NRG3: variants seen among roughly 807,000 people sequenced by gnomAD.
NRG3 encodes neuregulin 3.
NRG3 carries 31 observed loss-of-function variants against 66.9 expected under a neutral mutation model. That is an observed-to-expected ratio of 0.46 (90% CI 0.35 to 0.63). NRG3 has a LOEUF of 0.63. NRG3 is among the 20% of genes least tolerant of loss of function. The pLI is 0.00. For missense variants in NRG3, 910 were observed against 878.9 expected (o/e 1.04, Z -0.45); for synonymous variants, 393 against 359.4 (o/e 1.09, Z -1.06).
chr10:81,984,193 A>G (rs1199862573), intron 1 of NRG3, among the ~76,000 whole-genome samples: 1 of 152,208 alleles, frequency 6.6e-6, no homozygotes, highest in Non-Finnish European at 1.5e-5. Context: ...TCTGACCTCC[A>G]GAATTGCAAG....
chr10:82,077,804 A>G (rs1239497903), intron 1 of NRG3, among the ~76,000 whole-genome samples: 1 of 152,262 alleles, frequency 6.6e-6, no homozygotes, highest in East Asian at 1.9e-4. Context: ...CTATGTATTT[A>G]GAATGAAATT....
At chr10:82,602,801 T>C (rs2047717972) in intron 2 of NRG3, among the ~76,000 whole-genome samples, 1 of 152,106 alleles carries the variant, frequency 6.6e-6, no homozygotes, top group South Asian at 2.1e-4. Flanking sequence ...TACACATGAG[T>C]GAAATCCTGC....
At chr10:82,096,390 C>A (rs1277825645) in intron 1 of NRG3, among the ~76,000 whole-genome samples, 3 of 151,918 alleles carry the variant, frequency 2.0e-5, no homozygotes, top group Admixed American at 2.0e-4. Flanking sequence ...GCAGGAGGAT[C>A]GCTTGAACCT....
intron 1 of NRG3, among the ~76,000 whole-genome samples, chr10:82,105,794 TAAAGG>T (rs1054037808): frequency 6.6e-6 from 1 of 152,058 alleles, no homozygotes; most frequent in African/African-American, 2.4e-5. Context: ...ATAACAGGGA[TAAAGG>T]AATGTCAAAA....
intron 1 of NRG3, among the ~76,000 whole-genome samples, chr10:82,295,223 G>A (rs1232644663): frequency 6.6e-6 from 1 of 152,154 alleles, no homozygotes; most frequent in Non-Finnish European, 1.5e-5. Context: ...GTCAACAGTT[G>A]AATTCCTAAA....
chr10:82,386,649 C>G (rs1486940492), intron 2 of NRG3, among the ~76,000 whole-genome samples: 2 of 152,148 alleles, frequency 1.3e-5, no homozygotes, highest in East Asian at 3.9e-4. Flanking sequence ...TACTACTTTC[C>G]TTTATACTCG....
rs547701318 is a variant in NRG3, at chr10:82,614,708, T to C, written c.954-123869T>C. On this transcript the variant is annotated intron_variant, in intron 2 of 8. Transcript: ENST00000372141. The stretch of plus-strand genomic sequence containing the variant: ...AGATCTCACAGTCTTAACATTATTC[T>C]ACTCTACTGCTCTAGAAACACTTGT... 2.0e-5 allele frequency among the ~76,000 whole-genome samples: 3 copies of C among 152,340 alleles called. No homozygotes were observed. The South Asian group carries it at 6.2e-4, about 32-fold the overall frequency.
chr10:82,430,441 T>C (rs747665187), intron 2 of NRG3, among the ~76,000 whole-genome samples: 16 of 152,018 alleles, frequency 1.1e-4, no homozygotes, highest in Non-Finnish European at 1.8e-4. Flanking sequence ...CTATTTTTAG[T>C]AGAGATGGGG....
chr10:82,906,830 G>T (rs1844780297), intron 4 of NRG3, among the ~76,000 whole-genome samples: 1 of 152,118 alleles, frequency 6.6e-6, no homozygotes, highest in South Asian at 2.1e-4. Context: ...TAAGAAAGAA[G>T]TCTGCAGAAA....
At chr10:82,059,999 G>A (rs887565123) in intron 1 of NRG3, among the ~76,000 whole-genome samples, 1 of 152,110 alleles carries the variant, frequency 6.6e-6, no homozygotes, top group Non-Finnish European at 1.5e-5. Flanking sequence ...GAAATCAACT[G>A]CTCTAAACTT....
chr10:81,963,956 A>G (rs2059628635), intron 1 of NRG3, among the ~76,000 whole-genome samples: 1 of 152,184 alleles, frequency 6.6e-6, no homozygotes. Context: ...TTGGGTTATT[A>G]TATTATTGTT....
intron 3 of NRG3, among the ~76,000 whole-genome samples, chr10:82,738,948 A>G (rs1367599356): frequency 2.0e-5 from 3 of 152,224 alleles, no homozygotes; most frequent in Non-Finnish European, 4.4e-5. Context: ...TCATTTCAAA[A>G]GCAGGGATCT....
intron 4 of NRG3, among the ~76,000 whole-genome samples, chr10:82,894,932 TC>T (rs1843504862): frequency 6.6e-6 from 1 of 152,146 alleles, no homozygotes; most frequent in Admixed American, 6.5e-5. Context: ...TGTGTGATGT[TC>T]CCCTCTCTGT....
At chr10:82,449,994 TTTTG>T (rs1481012820) in intron 2 of NRG3, among the ~76,000 whole-genome samples, 2 of 152,090 alleles carry the variant, frequency 1.3e-5, no homozygotes, top group East Asian at 1.9e-4. Context: ...TTTCTGTGGA[TTTTG>T]TTTGTTTGTT....
rs764580983 is a variant in NRG3, at chr10:81,876,093, CTCCTCTTCT to C, written c.768_776del (p.Ser258_Ser260del). On this transcript the variant is annotated inframe_deletion, in exon 1 of 9. Transcript: ENST00000372141. ...CCCTGTCTCCCTTTCAGGATGCTGC[CTCCTCTTCT>C]TCCTCTTCTTCCTCCTCCGCTACCA... 3.8e-5 allele frequency: 61 copies of C among 1,613,194 alleles called. No homozygotes were observed. In the East Asian group the frequency reaches 5.3e-4, roughly 14 times the overall value.
chr10:82,806,366 C>T (rs1415233716), intron 3 of NRG3, among the ~76,000 whole-genome samples: 1 of 152,142 alleles, frequency 6.6e-6, no homozygotes, highest in Non-Finnish European at 1.5e-5. Flanking sequence ...TATTTGTGAT[C>T]AAGTTCTGTG....
chr10:82,692,768 G>T (rs1455940533), intron 2 of NRG3, among the ~76,000 whole-genome samples: 6 of 152,220 alleles, frequency 3.9e-5, no homozygotes, highest in Non-Finnish European at 8.8e-5. Flanking sequence ...CTTGTGGGAT[G>T]GGTTGGAGAT....
chr10:82,425,535 C>T (rs2136274365), intron 2 of NRG3, among the ~76,000 whole-genome samples: 1 of 152,120 alleles, frequency 6.6e-6, no homozygotes, highest in East Asian at 1.9e-4. Context: ...TCTGCTAATT[C>T]CAAAATGTGT....
chr10:82,665,317 C>CA (rs1477770388), intron 2 of NRG3, among the ~76,000 whole-genome samples: 17 of 152,328 alleles, frequency 1.1e-4, no homozygotes, highest in Admixed American at 8.5e-4. Context: ...CAACATATCA[C>CA]AATTCATCCT....
Sources: allele counts gnomAD v4.1 joint callset (sites outside exome capture counted in the v4.1 genomes callset), GRCh38; gene constraint gnomAD v4.1.1; transcripts MANE v1.5; gene names NCBI Gene and HGNC (gene_info 2026-07-23, HGNC 2026-07-21).